Variants in PTPRN2 observed in about 807,000 individuals in gnomAD.
PTPRN2 encodes the protein receptor-type tyrosine-protein phosphatase N2.
PTPRN2 carries 74 observed loss-of-function variants against 118.8 expected under a neutral mutation model. The observed-to-expected ratio is 0.62, with a 90% CI of 0.52 to 0.76. PTPRN2 has a LOEUF of 0.76. PTPRN2 is among the 30% of genes least tolerant of loss of function. PTPRN2 has a pLI of 0.00. For missense variants in PTPRN2, 1,481 were observed against 1,394.4 expected, an observed-to-expected ratio of 1.06 and a Z score of -0.99; for synonymous variants, 641 against 608.0, an observed-to-expected ratio of 1.05 and a Z score of -0.80.
Position 157,831,201 on chromosome 7 carries a change from G to A in PTPRN2, c.1788+67472C>T, listed in dbSNP as rs1421364295. 1.3e-5 allele frequency among the ~76,000 whole-genome samples: 2 copies of A among 152,192 alleles called. No homozygotes were observed. The highest frequency in any genetic ancestry group is 4.8e-5 in the African/African-American group (2 of 41,448). ...CCCAGCTGTGGGGAGGAACTGCTCG[G>A]GCCCTGCAGCATCTTACAAGGGGTG... On this transcript the variant is annotated intron_variant, in intron 12 of 22. Coordinates refer to ENST00000389418, the MANE Select transcript of PTPRN2 (RefSeq NM_002847.5). This position sits in a 1 kb window ranked among gnomAD's most constrained non-coding sequence, Gnocchi z 4.8.
chr7:157,795,009 C>T (rs1241715959), intron 12 of PTPRN2, among the ~76,000 whole-genome samples: 6 of 152,200 alleles, frequency 3.9e-5, no homozygotes, highest in South Asian at 2.1e-4. Flanking sequence ...GATCCCTGTG[C>T]GTCGCAGCCC....
rs1289342668 is a variant in PTPRN2, at chr7:157,611,530, C to G, written c.2345-7455G>C. ...CCAGGGTTGAGCTGCGTACCCTCCC[C>G]CAAAAAGACACACTGGAGTCCCAGC... On this transcript the variant is annotated intron_variant, in intron 15 of 22. Transcript: ENST00000389418. This position sits in a 1 kb window ranked among gnomAD's most constrained non-coding sequence, Gnocchi z 5.9. 6.6e-6 allele frequency among the ~76,000 whole-genome samples: 1 copy of G among 152,150 alleles called. No individual in the cohort carries two copies. Among genetic ancestry groups the G allele is most frequent in the South Asian group, 2.1e-4 (1 of 4,818 alleles).
chr7:157,793,546 C>T (rs916101166), intron 12 of PTPRN2, among the ~76,000 whole-genome samples: 2 of 147,574 alleles, frequency 1.4e-5, no homozygotes, highest in African/African-American at 5.0e-5. Flanking sequence ...GTGCCTCTTC[C>T]GGGGTGGGAT....
At chr7:158,161,658 G>T (rs930668369) in intron 6 of PTPRN2, among the ~76,000 whole-genome samples, 2 of 152,186 alleles carry the variant, frequency 1.3e-5, no homozygotes, top group South Asian at 4.1e-4. Context: ...AACTCTGGAT[G>T]ACCTTGGGTT....
At position 158,563,683 on chromosome 7, in the gene PTPRN2, C is replaced by T. The variant is rs917701697; in HGVS notation, c.112+23875G>A. On this transcript the variant is annotated intron_variant, in intron 1 of 22. Coordinates refer to ENST00000389418, the MANE Select transcript of PTPRN2 (RefSeq NM_002847.5). This position sits in a 1 kb window ranked among gnomAD's most constrained non-coding sequence, Gnocchi z 5.1. ...TCTGCAGAGACTCACAGGCATGTGGCGTGGCAGTACATGAGCACTGATGTG... is the reference window on the plus strand; with the variant it reads ...TCTGCAGAGACTCACAGGCATGTGGTGTGGCAGTACATGAGCACTGATGTG... Among the ~76,000 whole-genome samples the T allele has an allele frequency of 1.8e-4, 27 of 152,212 alleles. No homozygotes were observed. The highest frequency in any genetic ancestry group is 6.5e-4 in the African/African-American group (27 of 41,452).
chr7:158,503,708 T>C (rs1822541592), intron 1 of PTPRN2, among the ~76,000 whole-genome samples: 1 of 152,194 alleles, frequency 6.6e-6, no homozygotes, highest in African/African-American at 2.4e-5. Flanking sequence ...CTTGAAACAT[T>C]ATTGGGAACT....
intron 11 of PTPRN2, among the ~76,000 whole-genome samples, chr7:158,006,015 TG>T (rs1805610408): frequency 6.6e-6 from 1 of 152,224 alleles, no homozygotes; most frequent in Non-Finnish European, 1.5e-5. Context: ...GATGGAAAGG[TG>T]GTACTAGCAG....
chr7:157,715,814 C>G (rs545425486), intron 12 of PTPRN2, among the ~76,000 whole-genome samples: 40 of 152,342 alleles, frequency 2.6e-4, no homozygotes, highest in South Asian at 2.3e-3. Context: ...GAGACAGACT[C>G]CTGTGCTGAG....
intron 14 of PTPRN2, among the ~76,000 whole-genome samples, chr7:157,626,773 T>G (rs1324764066): frequency 6.6e-6 from 1 of 152,252 alleles, no homozygotes; most frequent in Non-Finnish European, 1.5e-5. Flanking sequence ...ATTTATATTA[T>G]AGGTAAACAT....
chr7:158,111,573 A>T (rs1315088393), intron 9 of PTPRN2, among the ~76,000 whole-genome samples: 1 of 152,218 alleles, frequency 6.6e-6, no homozygotes, highest in Non-Finnish European at 1.5e-5. Flanking sequence ...GTACCACTTT[A>T]ATGGAGTATT....
At chr7:158,183,418 G>T (rs538617112) in intron 5 of PTPRN2, among the ~76,000 whole-genome samples, 11 of 152,306 alleles carry the variant, frequency 7.2e-5, no homozygotes, top group African/African-American at 2.6e-4. Flanking sequence ...GCTGCAGCGT[G>T]CTTCCCACTC....
chr7:158,202,425 T>C (rs1426701141), intron 4 of PTPRN2, among the ~76,000 whole-genome samples: 4 of 152,010 alleles, frequency 2.6e-5, no homozygotes, highest in East Asian at 3.9e-4. Context: ...AGGGACAGCA[T>C]GAGAGGGAGT....
Position 158,133,281 on chromosome 7 carries a change from C to T in PTPRN2, c.1556+396G>A, listed in dbSNP as rs146272020. Among the ~76,000 whole-genome samples, 925 of 152,322 alleles carry T rather than the reference C, an allele frequency of 6.1e-3. 11 individuals are homozygous for T. Among genetic ancestry groups the T allele is most frequent in the African/African-American group, 0.021 (887 of 41,562 alleles). ...TCCCATCCCGCATTCCCGCGCGGGC[C>T]GTGCTCAGGCTTTGCTGTACACTTA... On this transcript the variant is annotated intron_variant, in intron 9 of 22. Transcript: ENST00000389418.
At chr7:158,286,976 C>T (rs1172428544) in intron 3 of PTPRN2, among the ~76,000 whole-genome samples, 1 of 152,120 alleles carries the variant, frequency 6.6e-6, no homozygotes, top group Non-Finnish European at 1.5e-5. Flanking sequence ...GCCATCAGGT[C>T]CTGAACTCTT....
chr7:158,447,651 G>A (rs1323996692), intron 2 of PTPRN2, among the ~76,000 whole-genome samples: 10 of 152,238 alleles, frequency 6.6e-5, no homozygotes, highest in East Asian at 3.9e-4. Context: ...CCTGCCTTGC[G>A]TCCTGCCAGG....
intron 2 of PTPRN2, among the ~76,000 whole-genome samples, chr7:158,452,820 A>T (rs1286633749): frequency 1.3e-5 from 2 of 152,244 alleles, no homozygotes; most frequent in African/African-American, 2.4e-5. Flanking sequence ...TTGCAGGATG[A>T]AGCAGGAGCA....
intron 2 of PTPRN2, among the ~76,000 whole-genome samples, chr7:158,403,998 T>C (rs1019321727): frequency 6.6e-6 from 1 of 152,066 alleles, no homozygotes; most frequent in African/African-American, 2.4e-5. Flanking sequence ...GAAAAGGAAG[T>C]CCATTAGGAC....
intron 2 of PTPRN2, among the ~76,000 whole-genome samples, chr7:158,401,220 C>T (rs1343287323): frequency 8.8e-6 from 1 of 113,178 alleles, no homozygotes; most frequent in African/African-American, 3.6e-5. Flanking sequence ...CAGACCCAGG[C>T]TCATCCCGTG....
intron 3 of PTPRN2, among the ~76,000 whole-genome samples, chr7:158,264,396 C>T (rs1053829401): frequency 3.9e-5 from 6 of 152,140 alleles, no homozygotes; most frequent in Non-Finnish European, 7.3e-5. Flanking sequence ...GCTCTTCCTG[C>T]GTGCTGGACA....
Sources: allele counts gnomAD v4.1 joint callset (sites outside exome capture counted in the v4.1 genomes callset), GRCh38; gene constraint gnomAD v4.1.1; non-coding constraint Gnocchi (gnomAD v3.1); transcripts MANE v1.5; gene names NCBI Gene and HGNC (gene_info 2026-07-23, HGNC 2026-07-21).